Variants in PARD3 observed in about 807,000 individuals in gnomAD.
PARD3 encodes partitioning defective 3 homolog.
In PARD3, 75 loss-of-function variants were observed where a neutral mutation model predicts 155.4. That is an observed-to-expected ratio of 0.48 (90% CI 0.40 to 0.58). PARD3 has a LOEUF of 0.58. PARD3 is among the 20% of genes least tolerant of loss of function. PARD3 has a pLI of 0.00. For synonymous variants in PARD3, 576 were observed against 610.5 expected (o/e 0.94, Z 0.83); for missense variants, 1,642 against 1,721.7 (o/e 0.95, Z 0.82).
chr10:34,147,107 A>C (rs1948547419), intron 22 of PARD3, among the ~76,000 whole-genome samples: 1 of 147,764 alleles, frequency 6.8e-6, no homozygotes, highest in African/African-American at 2.5e-5. Flanking sequence ...AAAAAAAAAA[A>C]CTTTTGAGAT....
Position 34,457,848 on chromosome 10 carries a change from G to A in PARD3, c.583-7400C>T, listed in dbSNP as rs1329075489. Among the ~76,000 whole-genome samples the A allele has an allele frequency of 2.6e-5, 4 of 152,130 alleles. 1 individual carries two copies. Among genetic ancestry groups the A allele is most frequent in the Non-Finnish European group, 5.9e-5 (4 of 68,032 alleles). Reference sequence around the variant, plus strand: ...ACTCCTGGGTTCAAAAGATCCTCCTGCCTAAGCCTCCCAAAGTATGGAATT... The same window carrying A: ...ACTCCTGGGTTCAAAAGATCCTCCTACCTAAGCCTCCCAAAGTATGGAATT... On this transcript the variant is annotated intron_variant, in intron 4 of 24. Coordinates refer to ENST00000374788, the MANE Select transcript of PARD3 (RefSeq NM_001184785.2).
At chr10:34,545,897 A>G (rs1242464297) in intron 2 of PARD3, among the ~76,000 whole-genome samples, 1 of 152,216 alleles carries the variant, frequency 6.6e-6, no homozygotes, top group Non-Finnish European at 1.5e-5. Flanking sequence ...AGTTATTAAA[A>G]TATATATCCA....
At chr10:34,536,174 T>C (rs1429304474) in intron 2 of PARD3, among the ~76,000 whole-genome samples, 2 of 152,204 alleles carry the variant, frequency 1.3e-5, no homozygotes, top group Non-Finnish European at 2.9e-5. Flanking sequence ...CTTCCACACA[T>C]TGGAGCCACT....
intron 1 of PARD3, among the ~76,000 whole-genome samples, chr10:34,809,619 T>C (rs1266205803): frequency 6.6e-6 from 1 of 151,796 alleles, no homozygotes; most frequent in East Asian, 1.9e-4. Flanking sequence ...TCCCAGGGGG[T>C]GGAGCAGCTG....
intron 2 of PARD3, among the ~76,000 whole-genome samples, chr10:34,657,489 A>C (rs1223815282): frequency 2.0e-5 from 3 of 152,148 alleles, no homozygotes; most frequent in Non-Finnish European, 4.4e-5. Flanking sequence ...GATTTTAGTA[A>C]TTAACACATC....
At chr10:34,118,440 G>A (rs1005880922) in intron 24 of PARD3, among the ~76,000 whole-genome samples, 1 of 152,196 alleles carries the variant, frequency 6.6e-6, no homozygotes, top group Non-Finnish European at 1.5e-5. Context: ...TGCTTCCCAG[G>A]CTCAAGCGAT....
At chr10:34,592,907 A>C (rs375690481) in intron 2 of PARD3, among the ~76,000 whole-genome samples, 1 of 152,232 alleles carries the variant, frequency 6.6e-6, no homozygotes, top group Admixed American at 6.5e-5. Flanking sequence ...TCTTGGAACC[A>C]TGTTTTTTCC....
intron 2 of PARD3, among the ~76,000 whole-genome samples, chr10:34,642,447 T>A (rs1304412941): frequency 6.6e-6 from 1 of 151,888 alleles, no homozygotes; most frequent in Non-Finnish European, 1.5e-5. Context: ...ACACCCTGGC[T>A]CTGCCTCACC....
At chr10:34,742,331 C>T (rs2095034040) in intron 1 of PARD3, among the ~76,000 whole-genome samples, 2 of 152,190 alleles carry the variant, frequency 1.3e-5, no homozygotes, top group South Asian at 4.1e-4. Flanking sequence ...TATCATAATG[C>T]AACAATTCAA....
chr10:34,484,082 A>T (rs1180401514), intron 3 of PARD3, among the ~76,000 whole-genome samples: 1 of 152,218 alleles, frequency 6.6e-6, no homozygotes, highest in Non-Finnish European at 1.5e-5. Flanking sequence ...CAAAATCACC[A>T]GCAAAAAGCA....
chr10:34,402,508 T>C (rs1843997190), intron 5 of PARD3, among the ~76,000 whole-genome samples: 1 of 152,190 alleles, frequency 6.6e-6, no homozygotes, highest in Non-Finnish European at 1.5e-5. Flanking sequence ...CCTAAGCCAA[T>C]CGACTGATTA....
chr10:34,444,569 T>G (rs533924625), intron 5 of PARD3, among the ~76,000 whole-genome samples: 1 of 152,202 alleles, frequency 6.6e-6, no homozygotes, highest in Non-Finnish European at 1.5e-5. Flanking sequence ...ATGACTCTGA[T>G]GTAGGATTCA....
chr10:34,359,493 T>C (rs546636214), intron 13 of PARD3, among the ~76,000 whole-genome samples, 176 bp from the exon 14 acceptor site: 1 of 152,282 alleles, frequency 6.6e-6, no homozygotes, highest in South Asian at 2.1e-4. Context: ...TAAGCAGCTA[T>C]TGTAGCCTGT....
chr10:34,568,898 T>C (rs938760930), intron 2 of PARD3, among the ~76,000 whole-genome samples: 11 of 152,190 alleles, frequency 7.2e-5, no homozygotes, highest in Admixed American at 7.2e-4. Context: ...CTTAATTACA[T>C]TTTCAGTATA....
chr10:34,594,483 C>T (rs1002162683), intron 2 of PARD3, among the ~76,000 whole-genome samples: 4 of 152,086 alleles, frequency 2.6e-5, no homozygotes, highest in Non-Finnish European at 4.4e-5. Flanking sequence ...AGCTTTTCAA[C>T]TCAGCTCTCA....
intron 1 of PARD3, among the ~76,000 whole-genome samples, chr10:34,717,005 T>G (rs1564540604): frequency 6.6e-6 from 1 of 152,186 alleles, no homozygotes; most frequent in Non-Finnish European, 1.5e-5. Context: ...GTGTATTTTA[T>G]GTGTGGTCCA....
chr10:34,713,532 G>A (rs1046303334), intron 1 of PARD3, among the ~76,000 whole-genome samples: 17 of 152,106 alleles, frequency 1.1e-4, no homozygotes, highest in South Asian at 8.3e-4. Flanking sequence ...GGCCAAGGCG[G>A]GAGGGTTGCT....
At chr10:34,330,039 C>T (rs1319566303) in intron 19 of PARD3, among the ~76,000 whole-genome samples, 2 of 151,614 alleles carry the variant, frequency 1.3e-5, no homozygotes, top group Non-Finnish European at 2.9e-5. Flanking sequence ...TGTTGAATTG[C>T]AAGTAATTTA....
intron 7 of PARD3, among the ~76,000 whole-genome samples, chr10:34,398,222 C>G (rs1205508004): frequency 3.3e-5 from 5 of 152,116 alleles, no homozygotes; most frequent in Admixed American, 3.3e-4. Flanking sequence ...GAGATGAAAT[C>G]TGAACTCACC....
Sources: gnomAD v4.1 joint callset for allele counts (sites outside exome capture counted in the v4.1 genomes callset) on GRCh38, gnomAD v4.1.1 for gene constraint, MANE v1.5 for transcripts, NCBI Gene and HGNC (gene_info 2026-07-23, HGNC 2026-07-21) for gene names.